TGIF2: variants seen among roughly 807,000 people sequenced by gnomAD.
TGIF2 encodes the protein homeobox protein TGIF2.
TGIF2 carries 5 observed loss-of-function variants against 15.1 expected under a neutral mutation model. That is an observed-to-expected ratio of 0.33 (90% CI 0.17 to 0.70). TGIF2 has a LOEUF of 0.70. Among genes scored for constraint, TGIF2 ranks in the 30% least tolerant of loss-of-function variants. TGIF2 has a pLI of 0.67. For missense variants in TGIF2, 264 were observed against 302.5 expected, an observed-to-expected ratio of 0.87 and a Z score of 0.94; for synonymous variants, 131 against 128.9, an observed-to-expected ratio of 1.02 and a Z score of -0.11.
chr20:36,591,290 C>G lies in TGIF2; in HGVS notation c.573C>G (p.Asp191Glu), dbSNP rs759591075. 1 of 1,614,226 alleles carries G rather than the reference C, an allele frequency of 6.2e-7. No homozygotes were observed. The highest frequency in any genetic ancestry group is 1.7e-5 in the Admixed American group (1 of 60,028). Residue 191 changes from aspartate (D) to glutamate (E), a missense_variant, in exon 3 of 3, where the codon GAC becomes GAG. Transcript: ENST00000373872. This position sits in a 1 kb window ranked among gnomAD's most constrained non-coding sequence, Gnocchi z 5.3. ...CACCACCCACACCCCCAGAGCAGGA[C>G]AAAGAGGACTTCAGCAGCTTCCAGC... ...NTPPPTPPEQ[D>E]KEDFSSFQLL... is the part of the protein sequence containing the mutation.
At chr20:36,582,635 C>G (rs1285177006) in intron 2 of TGIF2, among the ~76,000 whole-genome samples, 1 of 152,236 alleles carries the variant, frequency 6.6e-6, no homozygotes, top group Admixed American at 6.5e-5. Flanking sequence ...CTCAAGGTGA[C>G]ACATCCACAG....
At chr20:36,584,552 A>AT (rs776849143) in intron 2 of TGIF2, among the ~76,000 whole-genome samples, 4,139 of 145,336 alleles carry the variant, frequency 0.028, 72 homozygotes, top group African/African-American at 0.045. Context: ...TTATTAATTA[A>AT]TTTTTTTTTT....
In TGIF2 at chr20:36,591,381, C is replaced by T; in HGVS notation, c.664C>T (p.Leu222Phe). ...GCTTCAGAAGCAGCAGGACCCATCA[C>T]TCCCATTACTGCACACTCCCATCCC... ...MELQKQQDPS[L>F]PLLHTPIPLV... Residue 222 changes from leucine to phenylalanine, a missense_variant, in exon 3 of 3, where the codon CTC becomes TTC. Physicochemically the swap from Leu to Phe is conservative, Grantham distance 22 (BLOSUM62 0). Transcript: ENST00000373872. The surrounding 1 kb of genome is among the most constrained non-coding windows in gnomAD (Gnocchi z 5.3). 2.5e-6 allele frequency: 4 copies of T among 1,614,176 alleles called. No homozygotes were observed. Among genetic ancestry groups the T allele is most frequent in the Non-Finnish European group, 3.4e-6 (4 of 1,180,006 alleles).
chr20:36,588,687 A>G (rs2038710313), intron 2 of TGIF2, among the ~76,000 whole-genome samples: 1 of 151,474 alleles, frequency 6.6e-6, no homozygotes, highest in Non-Finnish European at 1.5e-5. Flanking sequence ...CTGGAATGGA[A>G]TGGGAGAGAA....
chr20:36,584,778 C>T (rs2038620329), intron 2 of TGIF2, among the ~76,000 whole-genome samples: 1 of 152,112 alleles, frequency 6.6e-6, no homozygotes, highest in Non-Finnish European at 1.5e-5. Context: ...AACTCCCGAC[C>T]TCAGGTGGTC....
Position 36,590,934 on chromosome 20 carries a change from C to T in TGIF2, c.217C>T (p.Arg73Trp), listed in dbSNP as rs1409549376. 1.3e-6 allele frequency: 2 copies of T among 1,517,562 alleles called. No homozygotes were observed. The highest frequency in any genetic ancestry group is 2.3e-5 in the East Asian group (1 of 43,798). The allele number at this position is 1,517,562 out of a possible 1,614,324, so 94.0% of individuals were successfully genotyped here. A position where few individuals can be genotyped will look rare whatever the true frequency, so the allele number is the denominator to read the frequency against. ...LQICNWFINA[R>W]RRLLPDMLRK... Reference sequence around the variant, plus strand: ...GATATGTAACTGGTTCATCAATGCCCGGCGGCGGCTTCTCCCAGACATGCT... The same window carrying T: ...GATATGTAACTGGTTCATCAATGCCTGGCGGCGGCTTCTCCCAGACATGCT... Residue 73 changes from arginine (R) to tryptophan (W), a missense_variant, in exon 3 of 3, where the codon CGG becomes TGG. Transcript: ENST00000373872.
At chr20:36,583,231 A>G (rs1340646680) in intron 2 of TGIF2, among the ~76,000 whole-genome samples, 1 of 151,558 alleles carries the variant, frequency 6.6e-6, no homozygotes, top group Non-Finnish European at 1.5e-5. Context: ...GTGAGATCGC[A>G]CCACTGCACT....
Position 36,591,506 on chromosome 20 carries a change from G to T in TGIF2, c.*75G>T, listed in dbSNP as rs780482879. 28 of 1,472,152 alleles carry T rather than the reference G, an allele frequency of 1.9e-5. No homozygotes were observed. In the South Asian group the frequency reaches 3.5e-4, roughly 18 times the overall value. 91.2% of individuals were successfully genotyped at this position (1,472,152 alleles called of 1,614,324 possible). A position where few individuals can be genotyped will look rare whatever the true frequency, so the allele number is the denominator to read the frequency against. The stretch of plus-strand genomic sequence containing the variant: ...CCGTTTTGGTTCCCTTTCATACAGA[G>T]GGTTTTCTATGGATCACTGCCAAAC... On this transcript the variant is annotated 3_prime_UTR_variant, in exon 3 of 3. Transcript: ENST00000373872. This position sits in a 1 kb window ranked among gnomAD's most constrained non-coding sequence, Gnocchi z 5.3.
chr20:36,581,051 T>TG (rs2038535688), intron 2 of TGIF2, among the ~76,000 whole-genome samples: 2 of 151,680 alleles, frequency 1.3e-5, no homozygotes, highest in Non-Finnish European at 1.5e-5. Flanking sequence ...TGCTTGAACC[T>TG]GGGAGGCGGA....
At chr20:36,573,545 CG>C (rs2038343068), upstream of TGIF2, 1 of 138,222 alleles carries the variant, frequency 7.2e-6, no homozygotes, top group African/African-American at 2.6e-5. Context: ...TCCCTCCGGG[CG>C]GGTGGGGGAG....
intron 1 of TGIF2, among the ~76,000 whole-genome samples, chr20:36,578,436 A>G (rs1366390298): frequency 6.6e-6 from 1 of 152,024 alleles, no homozygotes; most frequent in Non-Finnish European, 1.5e-5. Flanking sequence ...AAAGAAAAGA[A>G]AAAACCAAAT....
intron 1 of TGIF2, among the ~76,000 whole-genome samples, chr20:36,578,113 T>G (rs941006021): frequency 6.6e-6 from 1 of 152,072 alleles, no homozygotes; most frequent in African/African-American, 2.4e-5. Context: ...TGAGATAACA[T>G]GTAAAATGCT....
intron 2 of TGIF2, among the ~76,000 whole-genome samples, chr20:36,583,694 T>G (rs1177939579): frequency 9.2e-5 from 14 of 151,992 alleles, no homozygotes; most frequent in Admixed American, 8.5e-4. Flanking sequence ...GTCAGGAGTT[T>G]GAGGCCAGCC....
At chr20:36,579,669 G>T (rs1374805408) in intron 2 of TGIF2, among the ~76,000 whole-genome samples, 1 of 152,166 alleles carries the variant, frequency 6.6e-6, no homozygotes, top group Non-Finnish European at 1.5e-5. Context: ...GATGGGGCAG[G>T]ATCACAGTCC....
intron 2 of TGIF2, among the ~76,000 whole-genome samples, chr20:36,585,336 A>G (rs578200608): frequency 6.6e-6 from 1 of 151,876 alleles, no homozygotes; most frequent in African/African-American, 2.4e-5. Context: ...CGTCTCTACT[A>G]AAAATAGTCC....
At chr20:36,581,351 G>T (rs185513160) in intron 2 of TGIF2, among the ~76,000 whole-genome samples, 227 of 152,154 alleles carry the variant, frequency 1.5e-3, no homozygotes, top group African/African-American at 5.1e-3. Context: ...GCCTCTTTGC[G>T]GGTCTCCCTG....
chr20:36,574,446 G>A (rs1291337194), intron 1 of TGIF2: 3 of 147,648 alleles, frequency 2.0e-5, no homozygotes, highest in Non-Finnish European at 4.6e-5. Context: ...GGCTGGGGGG[G>A]GGGGGGCGGC....
At chr20:36,582,016 A>T (rs909498464) in intron 2 of TGIF2, among the ~76,000 whole-genome samples, 2 of 152,110 alleles carry the variant, frequency 1.3e-5, no homozygotes, top group Admixed American at 1.3e-4. Flanking sequence ...CGGGCGGATC[A>T]CCTGAGGTCA....
rs2147942847 is a variant in TGIF2, at chr20:36,592,031, G to A, written c.*600G>A. On this transcript the variant is annotated 3_prime_UTR_variant, in exon 3 of 3. Transcript: ENST00000373872. ...TGATAGCGTTCTGGTGAGCTGGGAA[G>A]GACCCACCACTGCCACTGAGGATTG... 6.5e-6 allele frequency: 1 copy of A among 152,806 alleles called. No individual in the cohort carries two copies. Among genetic ancestry groups the A allele is most frequent in the East Asian group, 1.9e-4 (1 of 5,190 alleles). The allele number at this position is 152,806 out of a possible 1,614,324, so 9.5% of individuals were successfully genotyped here.
Sources: gnomAD v4.1 joint callset for allele counts (sites outside exome capture counted in the v4.1 genomes callset) on GRCh38, gnomAD v4.1.1 for gene constraint, Gnocchi (gnomAD v3.1) non-coding constraint, MANE v1.5 for transcripts, NCBI Gene and HGNC (gene_info 2026-07-23, HGNC 2026-07-21) for gene names.